TNRC18: variants seen among roughly 807,000 people sequenced by gnomAD.
TNRC18 encodes trinucleotide repeat containing 18.
In TNRC18, 69 loss-of-function variants were observed where a neutral mutation model predicts 226.7. The observed-to-expected ratio is 0.30, with a 90% CI of 0.25 to 0.37. The LOEUF is 0.37. Ranked by LOEUF, TNRC18 falls within the 10% of genes least tolerant of loss-of-function variation. The probability of loss-of-function intolerance (pLI) is 1.00; values close to 1 mark genes in which losing one functional copy is unlikely to be tolerated. For synonymous variants in TNRC18, 2,449 were observed against 1,927.6 expected (o/e 1.27, Z -7.09); for missense variants, 4,754 against 4,256.6 (o/e 1.12, Z -3.25).
intron 18 of TNRC18, among the ~76,000 whole-genome samples, chr7:5,342,428 CAAAA>C (rs557401325): frequency 1.2e-5 from 1 of 86,482 alleles, no homozygotes; most frequent in Admixed American, 1.3e-4. Flanking sequence ...GACTCAGTCT[CAAAA>C]AAAAAAAAAA....
chr7:5,415,601 G>A (rs978737802), intron 2 of TNRC18, among the ~76,000 whole-genome samples: 3 of 150,536 alleles, frequency 2.0e-5, no homozygotes, highest in South Asian at 2.1e-4. Flanking sequence ...GGCTGGTCTC[G>A]AACTCCTGAC....
chr7:5,320,996 G>A, intron 22 of TNRC18, 77 bp downstream of exon 22: 2 of 1,056,354 alleles, frequency 1.9e-6, no homozygotes, highest in Admixed American at 2.2e-5. Context: ...AGGAGAAGCA[G>A]CCAGGCACAG....
intron 17 of TNRC18, among the ~76,000 whole-genome samples, chr7:5,347,244 G>A (rs1281563989): frequency 6.7e-6 from 1 of 150,052 alleles, no homozygotes; most frequent in Non-Finnish European, 1.5e-5. Context: ...CTGGAGTGCA[G>A]TGGCACGATT....
chr7:5,357,056 C>G lies in TNRC18; in HGVS notation c.5054G>C (p.Gly1685Ala), dbSNP rs191614765. Residue 1685 changes from glycine (G) to alanine (A), a missense_variant, in exon 16 of 30, where the codon GGC (glycine) becomes GCC (alanine). By Grantham distance (60) the Gly-to-Ala change is moderately conservative. Coordinates refer to ENST00000430969, the MANE Select transcript of TNRC18 (RefSeq NM_001080495.3). ...KNRKALAKGL[G>A]LSLKSSREGK... ...TTCTCTGGAGGATTTCAGAGACAGGCCGAGGCCCTTGGCCAGCGCCTTCCT... is the reference window on the plus strand; with the variant it reads ...TTCTCTGGAGGATTTCAGAGACAGGGCGAGGCCCTTGGCCAGCGCCTTCCT... The G allele has an allele frequency of 2.6e-6, 4 of 1,552,220 alleles. No individual in the cohort carries two copies. In the East Asian group the frequency reaches 9.8e-5, roughly 38 times the overall value.
rs1267894626 is a variant in TNRC18, at chr7:5,388,741, G to C, written c.1083C>G (p.Arg361=). ...CCACGCGGTGCTCACGGCCCTGCTC[G>C]CGGAAGACGGTGTAGACGCCGGCGG... ...ATPAGVYTVF[R]EQGREHRVVA... is the part of the protein sequence containing the mutation. The change falls in exon 5 of 30, where the codon CGC becomes CGG. Residue 361 remains arginine, a synonymous_variant. Coordinates refer to ENST00000430969, the MANE Select transcript of TNRC18 (RefSeq NM_001080495.3). 2.4e-6 allele frequency: 3 copies of C among 1,253,402 alleles called. No homozygotes were observed. The highest frequency in any genetic ancestry group is 7.4e-5 in the East Asian group (2 of 26,958). The allele number at this position is 1,253,402 out of a possible 1,614,324, so 77.6% of individuals were successfully genotyped here.
rs576865288 is a variant in TNRC18 at position 5,328,510 on chromosome 7, G to A, written c.6148-3262C>T. On this transcript the variant is annotated intron_variant, in intron 19 of 29. Transcript: ENST00000430969. The stretch of plus-strand genomic sequence containing the variant: ...CAGTGAGACCACCTTCCCCGCCGCC[G>A]CCTTTTTTTTTTTTTTGAGACAGAG... Among the ~76,000 whole-genome samples, 124 of 110,508 alleles carry A rather than the reference G, an allele frequency of 1.1e-3. No individual in the cohort carries two copies. In the South Asian group the frequency reaches 0.012, roughly 10 times the overall value. The allele number at this position is 110,508 out of a possible 152,430, so 72.5% of individuals were successfully genotyped here. A position where few individuals can be genotyped will look rare whatever the true frequency, so the allele number is the denominator to read the frequency against.
rs755219826 is a variant in TNRC18 at position 5,359,450 on chromosome 7, C to T, written c.4781G>A (p.Gly1594Glu). 3 of 1,613,924 alleles carry T rather than the reference C, an allele frequency of 1.9e-6. No individual in the cohort carries two copies. Among genetic ancestry groups the T allele is most frequent in the South Asian group, 2.2e-5 (2 of 91,094 alleles). ...DALIGMGKAR[G>E]RNQTWDEHEA... The stretch of plus-strand genomic sequence containing the variant: ...ATGTTCATCCCAAGTCTGGTTCCTC[C>T]CCCTGGCTTTCCCCATTCCGATGAG... Residue 1594 changes from glycine to glutamate, a missense_variant, in exon 15 of 30, where the codon GGG becomes GAG. Transcript: ENST00000430969.
intron 16 of TNRC18, among the ~76,000 whole-genome samples, chr7:5,355,869 C>G (rs938632886): frequency 6.6e-6 from 1 of 152,030 alleles, no homozygotes; most frequent in Non-Finnish European, 1.5e-5. Context: ...TAAGAAGAGA[C>G]CCTGTCTCAA....
Position 5,390,227 on chromosome 7 carries a change from T to C in TNRC18, c.487+258A>G, listed in dbSNP as rs1041675257. On this transcript the variant is annotated intron_variant, in intron 4 of 29. Coordinates refer to ENST00000430969, the MANE Select transcript of TNRC18 (RefSeq NM_001080495.3). ...GAAAAGTTAAAAAGTCAGCTGGCTG[T>C]GGTGGGGTGTGTCTGCAGTCCCAGC... 5.7e-6 allele frequency: 3 copies of C among 525,480 alleles called. No individual in the cohort carries two copies. In the African/African-American group the frequency reaches 5.8e-5, roughly 10 times the overall value. The allele number at this position is 525,480 out of a possible 1,614,324, so 32.6% of individuals were successfully genotyped here.
intron 17 of TNRC18, among the ~76,000 whole-genome samples, chr7:5,350,183 C>A (rs184440897): frequency 6.6e-6 from 1 of 151,696 alleles, no homozygotes; most frequent in Non-Finnish European, 1.5e-5. Context: ...AGCTCATCCA[C>A]GGACAGCCCG....
rs144229167 is a variant in TNRC18, at chr7:5,375,009, A to C, written c.2800-525T>G. The stretch of plus-strand genomic sequence containing the variant: ...CAATGCCTACCTGGGCCGGTCAGTC[A>C]ATACACAAAACACACTAGGGGCCGG... On this transcript the variant is annotated intron_variant, in intron 9 of 29. Coordinates refer to ENST00000430969, the MANE Select transcript of TNRC18 (RefSeq NM_001080495.3). Among the ~76,000 whole-genome samples, 347 of 152,284 alleles carry C rather than the reference A, an allele frequency of 2.3e-3. 2 individuals carry two copies. Among genetic ancestry groups the C allele is most frequent in the African/African-American group, 7.7e-3 (318 of 41,560 alleles).
intron 19 of TNRC18, among the ~76,000 whole-genome samples, chr7:5,326,363 G>T (rs1213226063): frequency 6.6e-6 from 1 of 152,158 alleles, no homozygotes; most frequent in African/African-American, 2.4e-5. Context: ...TTGAGCCAAG[G>T]TATGGAGAAA....
rs577653114 is a variant in TNRC18, at chr7:5,323,695, G to C, written c.6442+519C>G. ...TGATTCTCCTGCCCCAGCCTCCCGG[G>C]TAGCTGGGATTACAGGCGCCCGCCA... is the stretch of plus-strand genomic sequence containing the variant. On this transcript the variant is annotated intron_variant, in intron 21 of 29. Transcript: ENST00000430969. 2.5e-4 allele frequency among the ~76,000 whole-genome samples: 38 copies of C among 151,716 alleles called. 1 individual carries two copies. Among genetic ancestry groups the C allele is most frequent in the Admixed American group, 1.6e-3 (25 of 15,218 alleles).
intron 11 of TNRC18, among the ~76,000 whole-genome samples, chr7:5,365,286 A>AT (rs1015804663): frequency 1.3e-5 from 2 of 151,906 alleles, no homozygotes; most frequent in African/African-American, 2.4e-5. Context: ...TAGTTTTTGT[A>AT]TTTTTTTGTA....
Position 5,377,776 on chromosome 7 carries a change from A to T in TNRC18, c.2255+146T>A. On this transcript the variant is annotated intron_variant, in intron 6 of 29. Coordinates refer to ENST00000430969, the MANE Select transcript of TNRC18 (RefSeq NM_001080495.3). This position sits in a 1 kb window ranked among gnomAD's most constrained non-coding sequence, Gnocchi z 5.8. Reference sequence around the variant, plus strand: ...ACCTGGCCTGGGCAGGGCTGGCCCGATGCTGAGGACCAGAGTGACTCCCGC... The same window carrying T: ...ACCTGGCCTGGGCAGGGCTGGCCCGTTGCTGAGGACCAGAGTGACTCCCGC... 4 of 994,412 alleles carry T rather than the reference A, an allele frequency of 4.0e-6. No homozygotes were observed. The highest frequency in any genetic ancestry group is 5.9e-6 in the Non-Finnish European group (4 of 672,900). The allele number at this position is 994,412 out of a possible 1,614,324, so 61.6% of individuals were successfully genotyped here.
At chr7:5,370,209 G>T (rs939809397) in intron 11 of TNRC18, among the ~76,000 whole-genome samples, 166 bp downstream of exon 11, 1 of 152,082 alleles carries the variant, frequency 6.6e-6, no homozygotes, top group African/African-American at 2.4e-5. Flanking sequence ...TGTAGCCCAA[G>T]CTACTGGGGA....
chr7:5,364,013 A>G (rs1039970493), intron 11 of TNRC18, among the ~76,000 whole-genome samples: 7 of 152,110 alleles, frequency 4.6e-5, no homozygotes, highest in African/African-American at 9.7e-5. Flanking sequence ...AAATATAAAA[A>G]TAAGCCGGGT....
chr7:5,367,479 G>A (rs1381475710), intron 11 of TNRC18, among the ~76,000 whole-genome samples: 2 of 151,354 alleles, frequency 1.3e-5, no homozygotes, highest in East Asian at 3.9e-4. Flanking sequence ...CCAGGCTGGA[G>A]GGCAGTGGTA....
Position 5,335,950 on chromosome 7 carries a change from T to C in TNRC18, c.5720-2901A>G, listed in dbSNP as rs539168155. On this transcript the variant is annotated intron_variant, in intron 18 of 29. Coordinates refer to ENST00000430969, the MANE Select transcript of TNRC18 (RefSeq NM_001080495.3). ...GGCCATTCACAGTGGCTCACACCTA[T>C]AATCCCAGCACTTTGGGAGGCCAAG... Among the ~76,000 whole-genome samples the C allele has an allele frequency of 4.6e-5, 7 of 151,080 alleles. No individual in the cohort carries two copies. The East Asian group carries it at 1.4e-3, about 30-fold the overall frequency.
Sources: allele counts gnomAD v4.1 joint callset (sites outside exome capture counted in the v4.1 genomes callset), GRCh38; gene constraint gnomAD v4.1.1; non-coding constraint Gnocchi (gnomAD v3.1); transcripts MANE v1.5; gene names NCBI Gene and HGNC (gene_info 2026-07-23, HGNC 2026-07-21).